Variants in MTCL3 observed in about 807,000 individuals in gnomAD.
The protein encoded by MTCL3 is microtubule cross-linking factor 3.
the MTCL3 span, chr6:127,515,893 C>T: frequency 4.3e-6 from 7 of 1,611,514 alleles, no homozygotes; most frequent in Non-Finnish European, 5.9e-6. The surrounding 1 kb of genome is among the most constrained non-coding windows in gnomAD (Gnocchi z 4.3). Flanking sequence ...ACCGCTGCCG[C>T]CCCCCGCAAC....
At chr6:127,499,769 C>T in the MTCL3 span, among the ~76,000 whole-genome samples, 14 of 152,296 alleles carry the variant, frequency 9.2e-5, no homozygotes, top group East Asian at 1.2e-3. Context: ...TTCTCCCCAT[C>T]GGTTGACTCC....
At chr6:127,515,776 G>C in the MTCL3 span, 1 of 1,606,364 alleles carries the variant, frequency 6.2e-7, no homozygotes, top group Non-Finnish European at 8.5e-7. The surrounding 1 kb of genome is among the most constrained non-coding windows in gnomAD (Gnocchi z 4.3). Flanking sequence ...GCCGTTCTTA[G>C]CGTGCATCTG....
the MTCL3 span, among the ~76,000 whole-genome samples, chr6:127,485,246 T>G: frequency 6.6e-6 from 1 of 151,708 alleles, no homozygotes; most frequent in African/African-American, 2.4e-5. Flanking sequence ...TAGAATCTGG[T>G]GCATGAGTAG....
chr6:127,479,015 T>TAAAAAAA, the MTCL3 span, among the ~76,000 whole-genome samples: 5 of 52,296 alleles, frequency 9.6e-5, no homozygotes, highest in South Asian at 6.6e-4. Flanking sequence ...AGACTCCATC[T>TAAAAAAA]AAAAAAAAAA....
the MTCL3 span, among the ~76,000 whole-genome samples, chr6:127,474,387 T>A: frequency 2.0e-5 from 3 of 152,134 alleles, no homozygotes; most frequent in East Asian, 3.9e-4. Context: ...CAAGTGATTC[T>A]CCTGCTTCAG....
At chr6:127,487,765 C>T in the MTCL3 span, among the ~76,000 whole-genome samples, 3 of 152,294 alleles carry the variant, frequency 2.0e-5, no homozygotes, top group East Asian at 5.8e-4. Flanking sequence ...GGTGATCAAG[C>T]TGTATCATCC....
At chr6:127,481,605 TTTAG>T in the MTCL3 span, 65 of 405,968 alleles carry the variant, frequency 1.6e-4, no homozygotes, top group Non-Finnish European at 2.1e-4. Flanking sequence ...TTAAAATCAC[TTTAG>T]TTAAATTATC....
chr6:127,476,137 G>T, the MTCL3 span: 1 of 1,614,140 alleles, frequency 6.2e-7, no homozygotes, highest in Non-Finnish European at 8.5e-7. This position sits in a 1 kb window ranked among gnomAD's most constrained non-coding sequence, Gnocchi z 4.4. Context: ...CGGGTTGGCC[G>T]AGCCGTTGAA....
chr6:127,486,416 G>C, the MTCL3 span, among the ~76,000 whole-genome samples: 1 of 152,088 alleles, frequency 6.6e-6, no homozygotes, highest in South Asian at 2.1e-4. Flanking sequence ...CATTTCTATG[G>C]ATACAGAAAG....
the MTCL3 span, chr6:127,481,458 A>C: frequency 1.0e-6 from 1 of 985,442 alleles, no homozygotes; most frequent in Non-Finnish European, 1.2e-6. Flanking sequence ...TGAGGTCCAT[A>C]CATGTTCTGG....
At chr6:127,518,106 G>T in the MTCL3 span, among the ~76,000 whole-genome samples, 5 of 152,270 alleles carry the variant, frequency 3.3e-5, no homozygotes, top group East Asian at 9.6e-4. Context: ...GAAATATAAA[G>T]GTGAACAAAG....
chr6:127,501,951 A>G, the MTCL3 span, among the ~76,000 whole-genome samples: 2 of 152,226 alleles, frequency 1.3e-5, no homozygotes, highest in Non-Finnish European at 2.9e-5. Context: ...TTTCCAATAT[A>G]CAGTAAAATT....
the MTCL3 span, among the ~76,000 whole-genome samples, chr6:127,486,204 A>G: frequency 3.3e-5 from 5 of 152,220 alleles, no homozygotes; most frequent in African/African-American, 9.7e-5. Flanking sequence ...TTTTATTTAA[A>G]TATCACTCAG....
the MTCL3 span, chr6:127,475,291 A>ACCTG: frequency 2.5e-6 from 4 of 1,600,408 alleles, no homozygotes; most frequent in Non-Finnish European, 3.4e-6. This position sits in a 1 kb window ranked among gnomAD's most constrained non-coding sequence, Gnocchi z 7.3. Flanking sequence ...GCAGAACTGT[A>ACCTG]CCTGACTCAC....
the MTCL3 span, among the ~76,000 whole-genome samples, chr6:127,478,812 C>G: frequency 6.6e-6 from 1 of 151,812 alleles, no homozygotes; most frequent in Admixed American, 6.6e-5. Flanking sequence ...AGGTCAGGAG[C>G]TCGAAACCAG....
At chr6:127,511,715 T>G in the MTCL3 span, among the ~76,000 whole-genome samples, 1 of 152,340 alleles carries the variant, frequency 6.6e-6, no homozygotes, top group East Asian at 1.9e-4. Flanking sequence ...TAAAATATTT[T>G]TTTACTATTT....
the MTCL3 span, chr6:127,512,994 T>G: frequency 6.2e-7 from 1 of 1,611,870 alleles, no homozygotes; most frequent in Middle Eastern, 1.7e-4. Context: ...TGTTGTTCTC[T>G]TTTCTTCCAC....
chr6:127,489,930 T>C, the MTCL3 span, among the ~76,000 whole-genome samples: 7 of 152,364 alleles, frequency 4.6e-5, no homozygotes, highest in East Asian at 9.6e-4. Flanking sequence ...AGACTTTCAA[T>C]GTAGATAAAA....
At chr6:127,498,269 A>T in the MTCL3 span, among the ~76,000 whole-genome samples, 1 of 152,344 alleles carries the variant, frequency 6.6e-6, no homozygotes, top group African/African-American at 2.4e-5. Context: ...CCAATTAAAA[A>T]TAGGCTAAAC....
Sources: gnomAD v4.1 joint callset for allele counts (sites outside exome capture counted in the v4.1 genomes callset) on GRCh38, gnomAD v4.1.1 for gene constraint, Gnocchi (gnomAD v3.1) non-coding constraint, MANE v1.5 for transcripts, NCBI Gene and HGNC (gene_info 2026-07-23, HGNC 2026-07-21) for gene names.